The following NDUFA7 variants were observed in gnomAD, a reference collection of about 807,000 sequenced individuals.
The protein encoded by NDUFA7 is NADH:ubiquinone oxidoreductase subunit A7.
NDUFA7 carries 18 observed loss-of-function variants against 14.2 expected under a neutral mutation model. The observed-to-expected ratio is 1.27, with a 90% CI of 0.88 to 1.88. NDUFA7 has a LOEUF of 1.88. Among genes scored for constraint, NDUFA7 ranks in the 40% most tolerant of loss-of-function variants. The pLI, the probability that NDUFA7 is intolerant of heterozygous loss-of-function variation, is 0.00. For missense variants in NDUFA7, 172 were observed against 147.3 expected, an observed-to-expected ratio of 1.17 and a Z score of -0.87; for synonymous variants, 75 against 62.1, an observed-to-expected ratio of 1.21 and a Z score of -0.98.
At chr19:8,314,443 G>A (rs985189046) in intron 3 of NDUFA7, among the ~76,000 whole-genome samples, 1 of 151,348 alleles carries the variant, frequency 6.6e-6, no homozygotes, top group African/African-American at 2.5e-5. Context: ...TGGCTGAGGC[G>A]CTAACTTCTA....
downstream of NDUFA7, chr19:8,308,638 AGG>A: frequency 1.8e-5 from 6 of 324,554 alleles, no homozygotes; most frequent in South Asian, 3.9e-5. Context: ...CACGCCCCTC[AGG>A]CACTCCGCAT....
At chr19:8,321,270 G>A (rs368133466) in intron 1 of NDUFA7, 38 bp downstream of exon 1, 113 of 1,516,970 alleles carry the variant, frequency 7.4e-5, no homozygotes, top group African/African-American at 7.0e-4. Flanking sequence ...CACGGAGCCC[G>A]AAGCCCCCCA....
chr19:8,319,045 A>C (rs1466696442), intron 2 of NDUFA7, among the ~76,000 whole-genome samples: 3 of 151,410 alleles, frequency 2.0e-5, no homozygotes, highest in Non-Finnish European at 2.9e-5. Context: ...AAAAAAGTCA[A>C]AACTTTCACA....
At chr19:8,313,239 T>A (rs1418149713) in intron 3 of NDUFA7, among the ~76,000 whole-genome samples, 3 of 151,554 alleles carry the variant, frequency 2.0e-5, no homozygotes, top group Non-Finnish European at 4.4e-5. Flanking sequence ...GAGTTCTTTT[T>A]TTTTTTTTTG....
chr19:8,312,315 C>T (rs1970188086), intron 3 of NDUFA7, among the ~76,000 whole-genome samples: 1 of 152,184 alleles, frequency 6.6e-6, no homozygotes, highest in East Asian at 1.9e-4. Flanking sequence ...GGTGGAGGCA[C>T]AGGACCTCCC....
chr19:8,313,909 G>C (rs879609596), intron 3 of NDUFA7, among the ~76,000 whole-genome samples: 1 of 152,204 alleles, frequency 6.6e-6, no homozygotes, highest in Admixed American at 6.5e-5. Flanking sequence ...ACTAACCCTC[G>C]TAACAGCTTT....
At chr19:8,311,750 G>A (rs951559459) in intron 3 of NDUFA7, among the ~76,000 whole-genome samples, 155 bp from the exon 4 acceptor site, 1 of 152,108 alleles carries the variant, frequency 6.6e-6, no homozygotes, top group Admixed American at 6.6e-5. Flanking sequence ...CCCCTCCAAC[G>A]CAGCCCCTCA....
At chr19:8,319,635 C>G (rs1278111435) in intron 2 of NDUFA7, 1 of 151,558 alleles carries the variant, frequency 6.6e-6, no homozygotes, top group Non-Finnish European at 1.5e-5. Context: ...AACATATAGG[C>G]ATTTACATAA....
Position 8,311,423 on chromosome 19 carries a change from G to A in NDUFA7, c.*82C>T, listed in dbSNP as rs1970175077. 3.7e-6 allele frequency: 4 copies of A among 1,077,634 alleles called. No homozygotes were observed. In the South Asian group the frequency reaches 4.4e-5, roughly 12 times the overall value. The allele number at this position is 1,077,634 out of a possible 1,614,324, so 66.8% of individuals were successfully genotyped here. The stretch of plus-strand genomic sequence containing the variant: ...ACTAGAAGTGATACCTGAGCTCTAC[G>A]TATTTGTCATAAATTAGGTCACATT... On this transcript the variant is annotated 3_prime_UTR_variant, in exon 4 of 4. Coordinates refer to ENST00000301457, the MANE Select transcript of NDUFA7 (RefSeq NM_005001.5).
chr19:8,314,628 T>C (rs1270845534), intron 3 of NDUFA7, among the ~76,000 whole-genome samples: 1 of 151,152 alleles, frequency 6.6e-6, no homozygotes, highest in East Asian at 2.0e-4. Context: ...TAACCCAGCA[T>C]GGAGGCCGGG....
chr19:8,316,258 A>C (rs1472128462), intron 3 of NDUFA7, among the ~76,000 whole-genome samples: 4 of 152,030 alleles, frequency 2.6e-5, no homozygotes, highest in African/African-American at 9.7e-5. Context: ...CTAGGCGTTC[A>C]AGGCTGCAGT....
At chr19:8,312,283 G>A (rs1268010119) in intron 3 of NDUFA7, among the ~76,000 whole-genome samples, 1 of 152,216 alleles carries the variant, frequency 6.6e-6, no homozygotes, top group Non-Finnish European at 1.5e-5. Context: ...GGAGGGTGGG[G>A]TGATGGAGGA....
chr19:8,316,130 CAG>C (rs1452164318), intron 3 of NDUFA7, among the ~76,000 whole-genome samples: 1 of 124,738 alleles, frequency 8.0e-6, no homozygotes, highest in Non-Finnish European at 1.6e-5. Flanking sequence ...GCCTGGGTGA[CAG>C]AGTGAGACTC....
At chr19:8,321,069 C>A in intron 1 of NDUFA7, 163 bp from the exon 2 acceptor site, 1 of 899,090 alleles carries the variant, frequency 1.1e-6, no homozygotes, top group South Asian at 1.6e-5. Flanking sequence ...AGAGCAAAGC[C>A]AGAGTCCGGG....
intron 3 of NDUFA7, among the ~76,000 whole-genome samples, chr19:8,311,855 A>G (rs1157804983): frequency 1.3e-5 from 2 of 152,020 alleles, no homozygotes. Context: ...CCCAGAACCC[A>G]CTGTGGAGAG....
At chr19:8,313,038 C>T (rs1970195785) in intron 3 of NDUFA7, among the ~76,000 whole-genome samples, 1 of 151,984 alleles carries the variant, frequency 6.6e-6, no homozygotes, top group African/African-American at 2.4e-5. Flanking sequence ...CCCTAGTGAT[C>T]CTCTCACCTC....
downstream of NDUFA7, among the ~76,000 whole-genome samples, chr19:8,309,452 T>C (rs1292979096): frequency 6.6e-6 from 1 of 151,188 alleles, no homozygotes; most frequent in Non-Finnish European, 1.5e-5. Flanking sequence ...CCAGCCTGGG[T>C]GACAGAGTGA....
chr19:8,312,965 C>T (rs1026882732), intron 3 of NDUFA7, among the ~76,000 whole-genome samples: 2 of 151,760 alleles, frequency 1.3e-5, no homozygotes, highest in Non-Finnish European at 2.9e-5. Context: ...GCGCCCCTAA[C>T]TTTTGTATTT....
intron 2 of NDUFA7, among the ~76,000 whole-genome samples, chr19:8,319,091 TAGAA>T (rs1351266748): frequency 4.6e-5 from 6 of 130,806 alleles, no homozygotes; most frequent in African/African-American, 1.4e-4. Flanking sequence ...ACTACCCTGA[TAGAA>T]AGCCAACTAG....
Sources: gnomAD v4.1 joint callset for allele counts (sites outside exome capture counted in the v4.1 genomes callset) on GRCh38, gnomAD v4.1.1 for gene constraint, MANE v1.5 for transcripts, NCBI Gene and HGNC (gene_info 2026-07-23, HGNC 2026-07-21) for gene names.